GLYR1: variants seen among roughly 807,000 people sequenced by gnomAD.
GLYR1 encodes cytokine-like nuclear factor N-PAC.
GLYR1 carries 21 observed loss-of-function variants against 72.7 expected under a neutral mutation model. The observed-to-expected ratio is 0.29, with a 90% CI of 0.20 to 0.42. The LOEUF (loss-of-function observed/expected upper bound fraction) is 0.42. GLYR1 is among the 10% of genes least tolerant of loss of function. GLYR1 has a pLI of 1.00. For synonymous variants in GLYR1, 392 were observed against 270.2 expected (o/e 1.45, Z -4.42); for missense variants, 594 against 712.1 (o/e 0.83, Z 1.89).
At chr16:4,827,919 A>G (rs1184960056) in intron 5 of GLYR1, among the ~76,000 whole-genome samples, 1 of 151,856 alleles carries the variant, frequency 6.6e-6, no homozygotes, top group Non-Finnish European at 1.5e-5. Context: ...AAACCAAAAA[A>G]CCAAAAAACC....
At chr16:4,846,779 A>C (rs4141486) in intron 1 of GLYR1, 134,454 of 245,378 alleles carry the variant, frequency 0.55, 39,126 homozygotes, top group African/African-American at 0.79. Flanking sequence ...GGTTTAGACA[A>C]CCCCGGCTGA....
At chr16:4,840,676 C>T (rs1310616257) in intron 3 of GLYR1, among the ~76,000 whole-genome samples, 2 of 152,188 alleles carry the variant, frequency 1.3e-5, no homozygotes, top group Non-Finnish European at 2.9e-5. Context: ...TACTACTTTT[C>T]CTTCCTAACT....
chr16:4,817,743 C>A, intron 9 of GLYR1, 46 bp from the exon 10 acceptor site: 1 of 1,167,224 alleles, frequency 8.6e-7, no homozygotes, highest in African/African-American at 1.5e-5. Context: ...AAGGGAGGGT[C>A]ACGGTGATGA....
At chr16:4,818,485 G>A (rs2083794610) in intron 9 of GLYR1, among the ~76,000 whole-genome samples, 1 of 151,852 alleles carries the variant, frequency 6.6e-6, no homozygotes, top group Admixed American at 6.6e-5. Flanking sequence ...CTTTTGCCAT[G>A]TTACCCAGGC....
intron 15 of GLYR1, among the ~76,000 whole-genome samples, chr16:4,809,919 G>C (rs538850573): frequency 6.6e-6 from 1 of 151,386 alleles, no homozygotes; most frequent in Non-Finnish European, 1.5e-5. Flanking sequence ...GCAAAACTCT[G>C]TCTCCAAAAA....
At position 4,817,585 on chromosome 16, in the gene GLYR1, CCT is replaced by C. The variant is rs1480542371; in HGVS notation, c.906+11_906+12del. On this transcript the variant is annotated intron_variant, in intron 10 of 15. Transcript: ENST00000321919. ...CTCCACCGATCCAACAGGCACCACC[CCT>C]GAATGCTTACTTTCTCTGCAGTGCG... 1.3e-6 allele frequency: 2 copies of C among 1,550,000 alleles called. No homozygotes were observed. Among genetic ancestry groups the C allele is most frequent in the Non-Finnish European group, 1.8e-6 (2 of 1,121,690 alleles).
chr16:4,818,078 T>A (rs1473436211), intron 9 of GLYR1, among the ~76,000 whole-genome samples: 3 of 150,384 alleles, frequency 2.0e-5, no homozygotes, highest in African/African-American at 7.4e-5. Flanking sequence ...CACTGCAACC[T>A]CTGCATCCTG....
chr16:4,819,404 C>A (rs770510502), intron 9 of GLYR1, among the ~76,000 whole-genome samples: 1 of 152,064 alleles, frequency 6.6e-6, no homozygotes, highest in Non-Finnish European at 1.5e-5. Context: ...AACTCCTGGG[C>A]TCAAGTGATC....
In GLYR1 at chr16:4,841,487, G is replaced by T. The variant is rs926371414; in HGVS notation, c.155+3587C>A. Among the ~76,000 whole-genome samples the T allele has an allele frequency of 3.6e-3, 220 of 61,120 alleles. 2 individuals carry two copies. Among genetic ancestry groups the T allele is most frequent in the African/African-American group, 0.011 (171 of 15,930 alleles). The allele number at this position is 61,120 out of a possible 152,430, so 40.1% of individuals were successfully genotyped here. ...AAAAAAAAAAAAAAAAAAAAAAAAA[G>T]TAAAAAATTTAGCAGGGCATGGTGG... is the stretch of plus-strand genomic sequence containing the variant. On this transcript the variant is annotated intron_variant, in intron 3 of 15. Coordinates refer to ENST00000321919, the MANE Select transcript of GLYR1 (RefSeq NM_032569.4).
At chr16:4,832,674 GA>G in intron 4 of GLYR1, 99 bp downstream of exon 4, 1 of 1,346,234 alleles carries the variant, frequency 7.4e-7, no homozygotes, top group African/African-American at 1.5e-5. Context: ...TAGCATTTCA[GA>G]AGAACAAAGG....
intron 3 of GLYR1, among the ~76,000 whole-genome samples, chr16:4,840,896 C>T: frequency 6.6e-6 from 1 of 152,144 alleles, no homozygotes; most frequent in Non-Finnish European, 1.5e-5. Flanking sequence ...TAAAATCTGC[C>T]CCAGCACTGA....
In GLYR1 at chr16:4,846,180, T is replaced by C; in HGVS notation, c.69A>G (p.Pro23=). The change falls in exon 2 of 16, where the codon CCA becomes CCG. Residue 23 remains proline, a synonymous_variant. Transcript: ENST00000321919. ...TTAGTAGCAAGACACTCACCTTTCC[T>C]GGCCAAGGAGGATATCGGCCGAGTT... ...WGKLGRYPPW[P]GKIVNPPKDL... 1 of 1,613,988 alleles carries C rather than the reference T, an allele frequency of 6.2e-7. No homozygotes were observed. The highest frequency in any genetic ancestry group is 8.5e-7 in the Non-Finnish European group (1 of 1,179,900).
chr16:4,836,585 T>C (rs1473863975), intron 3 of GLYR1, among the ~76,000 whole-genome samples: 1 of 152,144 alleles, frequency 6.6e-6, no homozygotes, highest in East Asian at 1.9e-4. Flanking sequence ...AAAGCGGATG[T>C]CTCGTAAGAT....
At chr16:4,823,025 C>A in intron 6 of GLYR1, 94 bp from the exon 7 acceptor site, 1 of 990,750 alleles carries the variant, frequency 1.0e-6, no homozygotes, top group Non-Finnish European at 1.6e-6. Context: ...GGCTGCAACA[C>A]CTCTGGATTC....
In GLYR1 at chr16:4,825,777, G is replaced by A. The variant is rs1401994538; in HGVS notation, c.538-1870C>T. On this transcript the variant is annotated intron_variant, in intron 5 of 15. Coordinates refer to ENST00000321919, the MANE Select transcript of GLYR1 (RefSeq NM_032569.4). ...AGCGATTCTCCTGCCTCAGCCTCCT[G>A]AGTAGCTGGGACCACAGGCGCGCGG... Among the ~76,000 whole-genome samples, 4 of 151,900 alleles carry A rather than the reference G, an allele frequency of 2.6e-5. No homozygotes were observed. In the South Asian group the frequency reaches 6.2e-4, roughly 24 times the overall value.
chr16:4,824,751 G>A (rs1055098423), intron 5 of GLYR1, among the ~76,000 whole-genome samples: 1 of 151,988 alleles, frequency 6.6e-6, no homozygotes, highest in Admixed American at 6.6e-5. Context: ...CTTCTTCCTG[G>A]GCAAAGGGTC....
At chr16:4,826,296 G>C (rs1199632542) in intron 5 of GLYR1, among the ~76,000 whole-genome samples, 1 of 151,868 alleles carries the variant, frequency 6.6e-6, no homozygotes, top group Non-Finnish European at 1.5e-5. Context: ...TGTTTTTATA[G>C]GGTCTTGCTA....
At position 4,829,569 on chromosome 16, in the gene GLYR1, C is replaced by G. The variant is rs1469118875; in HGVS notation, c.537+2410G>C. 1.3e-5 allele frequency among the ~76,000 whole-genome samples: 2 copies of G among 152,032 alleles called. 1 individual carries two copies. Among genetic ancestry groups the G allele is most frequent in the Non-Finnish European group, 2.9e-5 (2 of 67,970 alleles). On this transcript the variant is annotated intron_variant, in intron 5 of 15. Transcript: ENST00000321919. ...TGGCATAATCTTGGCTCACTGTAAC[C>G]TCCACCTCCTGGGTTCAAGTGATCT...
chr16:4,818,004 T>G (rs2083761185), intron 9 of GLYR1: 3 of 214,384 alleles, frequency 1.4e-5, no homozygotes, highest in African/African-American at 2.3e-5. Flanking sequence ...TTGCTGCCCT[T>G]TTTTTTTTTT....
Sources: gnomAD v4.1 joint callset for allele counts (sites outside exome capture counted in the v4.1 genomes callset) on GRCh38, gnomAD v4.1.1 for gene constraint, MANE v1.5 for transcripts, NCBI Gene and HGNC (gene_info 2026-07-23, HGNC 2026-07-21) for gene names.